The following ARMC9 variants were observed in gnomAD, a reference collection of about 807,000 sequenced individuals.
ARMC9 encodes the protein armadillo repeat containing 9.
A neutral mutation model predicts 107.0 loss-of-function variants in ARMC9; 94 were observed. That is an observed-to-expected ratio of 0.88 (90% confidence interval 0.74 to 1.04). ARMC9 has a LOEUF of 1.04. ARMC9 is among the 50% of genes least tolerant of loss of function. The pLI, the probability that ARMC9 is intolerant of heterozygous loss-of-function variation, is 0.00. For missense variants in ARMC9, 942 were observed against 1,030.1 expected (o/e 0.91, Z 1.17); for synonymous variants, 380 against 396.9 (o/e 0.96, Z 0.51).
At chr2:231,298,831 A>C (rs1454258381) in intron 19 of ARMC9, among the ~76,000 whole-genome samples, 1 of 152,022 alleles carries the variant, frequency 6.6e-6, no homozygotes, top group Non-Finnish European at 1.5e-5. Context: ...CTACTAGGGA[A>C]GCTGAGGCAC....
chr2:231,325,013 C>T (rs6707335), intron 19 of ARMC9, among the ~76,000 whole-genome samples: 65,146 of 151,704 alleles, frequency 0.43, 16,682 homozygotes, highest in Non-Finnish European at 0.56. Flanking sequence ...CACTTGAGCT[C>T]AAGAGTTTGA....
intron 17 of ARMC9, among the ~76,000 whole-genome samples, chr2:231,290,433 A>T (rs2040907287): frequency 6.6e-6 from 1 of 152,224 alleles, no homozygotes; most frequent in Non-Finnish European, 1.5e-5. Context: ...GTTCAGGCAC[A>T]GTTTGATCAG....
chr2:231,308,929 C>G (rs2042184602), intron 19 of ARMC9, among the ~76,000 whole-genome samples: 1 of 152,072 alleles, frequency 6.6e-6, no homozygotes. Flanking sequence ...GCATGGCCAG[C>G]TCGCTTGGCG....
At chr2:231,301,168 C>T (rs1559429147) in intron 19 of ARMC9, among the ~76,000 whole-genome samples, 1 of 152,170 alleles carries the variant, frequency 6.6e-6, no homozygotes, top group Non-Finnish European at 1.5e-5. Context: ...TACTTCTACA[C>T]CATGTTGCCT....
chr2:231,296,123 C>A, intron 18 of ARMC9, 75 bp from the exon 19 acceptor site: 1 of 1,140,772 alleles, frequency 8.8e-7, no homozygotes. Flanking sequence ...TATGTCTCTG[C>A]AGAGGCTGAC....
rs1398890306 is a variant in ARMC9 at position 231,360,153 on chromosome 2, T to C, written c.2132-601T>C. Among the ~76,000 whole-genome samples the C allele has an allele frequency of 6.6e-6, 1 of 152,002 alleles. No individual in the cohort carries two copies. The highest frequency in any genetic ancestry group is 2.4e-5 in the African/African-American group (1 of 41,372). Reference sequence around the variant, plus strand: ...GCCCTCCGTATGCTATGATGCTATCTGGGATTCTCCGTCTGCTTCCCCGTG... The same window carrying C: ...GCCCTCCGTATGCTATGATGCTATCCGGGATTCTCCGTCTGCTTCCCCGTG... On this transcript the variant is annotated intron_variant, in intron 22 of 24. Coordinates refer to ENST00000611582, the MANE Select transcript of ARMC9 (RefSeq NM_001352754.2). This position sits in a 1 kb window ranked among gnomAD's most constrained non-coding sequence, Gnocchi z 4.7.
Position 231,293,353 on chromosome 2 carries a change from C to T in ARMC9, c.1717+1910C>T, listed in dbSNP as rs115981311. ...GGGGCGGAGGATTGTTGCACATCCG[C>T]GCCATAGTCATCAGCTGTGCCCAGC... On this transcript the variant is annotated intron_variant, in intron 18 of 24. Transcript: ENST00000611582. Among the ~76,000 whole-genome samples, 564 of 152,292 alleles carry T rather than the reference C, an allele frequency of 3.7e-3. 5 individuals carry two copies. The highest frequency in any genetic ancestry group is 0.012 in the African/African-American group (514 of 41,564).
chr2:231,337,772 A>G (rs1423476343), intron 20 of ARMC9, among the ~76,000 whole-genome samples: 1 of 152,218 alleles, frequency 6.6e-6, no homozygotes, highest in Non-Finnish European at 1.5e-5. Flanking sequence ...TAAGCAGGGA[A>G]AAATCCCAAA....
At chr2:231,259,807 A>G (rs2038169865) in intron 11 of ARMC9, among the ~76,000 whole-genome samples, 1 of 152,198 alleles carries the variant, frequency 6.6e-6, no homozygotes, top group African/African-American at 2.4e-5. Flanking sequence ...ATCCTGGCCA[A>G]CATGGCAAAA....
intron 18 of ARMC9, chr2:231,295,763 C>T (rs953535707): frequency 6.5e-6 from 1 of 153,128 alleles, no homozygotes; most frequent in Non-Finnish European, 1.5e-5. Context: ...AGCTGCCTGC[C>T]ACTTACTGGA....
chr2:231,299,837 C>G (rs746464584), intron 19 of ARMC9, among the ~76,000 whole-genome samples: 1 of 152,108 alleles, frequency 6.6e-6, no homozygotes, highest in Non-Finnish European at 1.5e-5. Flanking sequence ...AGCCCCAGAC[C>G]CATTTAAACC....
chr2:231,237,170 G>A (rs752925845), intron 8 of ARMC9, among the ~76,000 whole-genome samples: 9 of 125,334 alleles, frequency 7.2e-5, no homozygotes, highest in East Asian at 5.0e-4. Context: ...ATTTCTCTGC[G>A]TATGCGTGTG....
chr2:231,369,158 G>A (rs1324946745), intron 23 of ARMC9, among the ~76,000 whole-genome samples: 3 of 152,192 alleles, frequency 2.0e-5, no homozygotes, highest in Non-Finnish European at 4.4e-5. Flanking sequence ...GGGAACTCCC[G>A]TGCAATCACC....
At chr2:231,327,889 A>G (rs1476484136) in intron 19 of ARMC9, among the ~76,000 whole-genome samples, 1 of 152,022 alleles carries the variant, frequency 6.6e-6, no homozygotes, top group Non-Finnish European at 1.5e-5. Context: ...GGCTCAAGTG[A>G]TTCTCATGCT....
At position 231,374,636 on chromosome 2, in the gene ARMC9, A is replaced by T. The variant is rs2046141504; in HGVS notation, c.*3101A>T. The T allele has an allele frequency of 6.6e-6, 1 of 152,142 alleles. No homozygotes were observed. Among genetic ancestry groups the T allele is most frequent in the Non-Finnish European group, 1.5e-5 (1 of 68,026 alleles). The allele number at this position is 152,142 out of a possible 1,614,324, so 9.4% of individuals were successfully genotyped here. Reference sequence around the variant, plus strand: ...AAGAAAGAAAAGGTAAAGAAAAGAAATCCATGATAAAATATCAAACTTTTT... The same window carrying T: ...AAGAAAGAAAAGGTAAAGAAAAGAATTCCATGATAAAATATCAAACTTTTT... On this transcript the variant is annotated 3_prime_UTR_variant, in exon 25 of 25. Transcript: ENST00000611582.
At position 231,370,086 on chromosome 2, in the gene ARMC9, C is replaced by G. The variant is rs760332256; in HGVS notation, c.2395C>G (p.Arg799Gly). 7 of 1,534,536 alleles carry G rather than the reference C, an allele frequency of 4.6e-6. No homozygotes were observed. Among genetic ancestry groups the G allele is most frequent in the South Asian group, 1.2e-5 (1 of 83,888 alleles). Residue 799 changes from arginine (R) to glycine (G), a missense_variant, in exon 24 of 25, where the codon CGC becomes GGC. Coordinates refer to ENST00000611582, the MANE Select transcript of ARMC9 (RefSeq NM_001352754.2). ...FSSCGPQQAS[R>G]PGSTASSTRG... is the part of the protein sequence containing the mutation. ...TTCGTGTGGCCCCCAGCAGGCCAGC[C>G]GCCCCGGCTCCACAGCGTCCTCCAC...
At chr2:231,350,023 A>G (rs989195901) in intron 21 of ARMC9, among the ~76,000 whole-genome samples, 4 of 137,380 alleles carry the variant, frequency 2.9e-5, no homozygotes, top group African/African-American at 7.1e-5. Flanking sequence ...ACCCACAAAC[A>G]TCTAAAAAAA....
At chr2:231,305,216 T>C (rs918600528) in intron 19 of ARMC9, among the ~76,000 whole-genome samples, 4 of 152,220 alleles carry the variant, frequency 2.6e-5, no homozygotes, top group Non-Finnish European at 5.9e-5. Context: ...CGTATTTATC[T>C]ATGGTGAAAT....
intron 9 of ARMC9, chr2:231,256,197 T>G (rs1574824627): frequency 4.2e-5 from 64 of 1,536,100 alleles, no homozygotes; most frequent in Non-Finnish European, 5.5e-5. Context: ...CGCGTGGAAT[T>G]CATGGACGAC....
Sources: gnomAD v4.1 joint callset for allele counts (sites outside exome capture counted in the v4.1 genomes callset) on GRCh38, gnomAD v4.1.1 for gene constraint, Gnocchi (gnomAD v3.1) non-coding constraint, MANE v1.5 for transcripts, NCBI Gene and HGNC (gene_info 2026-07-23, HGNC 2026-07-21) for gene names.